NBPF10: variants seen among roughly 807,000 people sequenced by gnomAD.
The protein encoded by NBPF10 is NBPF member 10.
A neutral mutation model predicts 77.9 loss-of-function variants in NBPF10; 63 were observed. The ratio of observed to expected loss-of-function variants is 0.81; its 90% CI spans 0.66 to 1.00. NBPF10 has a LOEUF of 1.00. Ranked by LOEUF, NBPF10 falls within the 50% of genes least tolerant of loss-of-function variation. NBPF10 has a pLI of 0.00. For missense variants in NBPF10, 522 were observed against 679.8 expected (o/e 0.77, Z 2.58); for synonymous variants, 146 against 264.5 (o/e 0.55, Z 4.35).
chr1:146,067,157 G>A, intron 89 of NBPF10, 23 bp downstream of exon 89: 1 of 528,540 alleles, frequency 1.9e-6, no homozygotes, highest in Admixed American at 2.5e-5. Context: ...CAGAACTAAG[G>A]ATCCACAATT....
rs61816394 is a variant in NBPF10 at position 146,126,409 on chromosome 1, G to C, written c.1854-1C>G. ...CTCATCCAGCAGCTCCCTGCTGAGC[G>C]TGGAAAAGTAGGAAAAAGTAAAGAA... On this transcript the variant is annotated splice_acceptor_variant, in intron 13 of 89. Transcript: ENST00000583866. LOFTEE classifies it high-confidence loss of function. 348,274 of 1,055,988 alleles carry C rather than the reference G, an allele frequency of 0.33. 79,565 individuals carry two copies. Among genetic ancestry groups the C allele is most frequent in the African/African-American group, 0.65 (38,153 of 58,950 alleles). The allele number at this position is 1,055,988 out of a possible 1,614,324, so 65.4% of individuals were successfully genotyped here.
chr1:146,126,041 G>A (rs1371253730), intron 14 of NBPF10, among the ~76,000 whole-genome samples, 195 bp downstream of exon 14: 14 of 151,754 alleles, frequency 9.2e-5, no homozygotes, highest in Non-Finnish European at 5.9e-5. Context: ...AGACTAGGAA[G>A]AGAGCCTTGC....
intron 11 of NBPF10, among the ~76,000 whole-genome samples, chr1:146,128,901 C>A (rs1339153841): frequency 2.0e-5 from 3 of 149,410 alleles, no homozygotes; most frequent in Non-Finnish European, 4.4e-5. Flanking sequence ...AGCTGAGGGA[C>A]CTGACTGTTA....
Position 146,142,652 on chromosome 1 carries a change from G to A in NBPF10, c.276C>T (p.Leu92=). 3 of 1,338,230 alleles carry A rather than the reference G, an allele frequency of 2.2e-6. 1 individual carries two copies. Among genetic ancestry groups the A allele is most frequent in the Non-Finnish European group, 2.1e-6 (2 of 971,162 alleles). 82.9% of individuals were successfully genotyped at this position (1,338,230 alleles called of 1,614,324 possible). The stretch of plus-strand genomic sequence containing the variant: ...CTCCCCCTATGGGGTCCCCTCACCT[G>A]AGCTCCTCAGCTTGCTTCAGCTGCT... The change falls in exon 2 of 90, where the codon CTC becomes CTT. Residue 92 remains leucine (L), a splice_region_variant and synonymous_variant. Coordinates refer to ENST00000583866, the Ensembl canonical transcript of NBPF10.
chr1:146,142,408 T>C (rs1660398364), intron 2 of NBPF10, among the ~76,000 whole-genome samples: 1 of 134,720 alleles, frequency 7.4e-6, no homozygotes, highest in Non-Finnish European at 1.7e-5. Flanking sequence ...TTTTGTGTTA[T>C]GTAAATTTCA....
chr1:146,139,265 A>ATTTT (rs10533520), intron 5 of NBPF10, among the ~76,000 whole-genome samples: 20 of 139,942 alleles, frequency 1.4e-4, no homozygotes, highest in African/African-American at 5.2e-4. Flanking sequence ...ACGCCCAGCT[A>ATTTT]TTTTTTTTTT....
intron 14 of NBPF10, 116 bp downstream of exon 14, chr1:146,126,120 A>G (rs587638968): frequency 5.7e-5 from 42 of 739,700 alleles, no homozygotes; most frequent in Non-Finnish European, 8.9e-5. Context: ...ATGTGCCTAT[A>G]GGTCCTCCCT....
rs782539120 is a variant in NBPF10, at chr1:146,126,328, C to T, written c.1934G>A (p.Gly645Asp). Residue 645 changes from glycine to aspartate, a missense_variant, in exon 14 of 90, where the codon GGT (glycine) becomes GAT (aspartate). Physicochemically the swap from Gly to Asp is moderately conservative, Grantham distance 94 (BLOSUM62 -1). Around this residue, in one of 9 missense-constraint regions of NBPF10, gnomAD observed 178 missense variants for 77.7 expected, o/e 2.29. Transcript: ENST00000583866. ...GCATGAGTCAGTCAGTTCAAGACAA[C>T]CTGAAGGAGTTGAATAACATCTATC... 33 of 1,294,598 alleles carry T rather than the reference C, an allele frequency of 2.5e-5. 1 individual carries two copies. The highest frequency in any genetic ancestry group is 3.2e-5 in the Non-Finnish European group (29 of 892,710). The allele number at this position is 1,294,598 out of a possible 1,614,324, so 80.2% of individuals were successfully genotyped here.
intron 4 of NBPF10, 151 bp from the exon 5 acceptor site, chr1:146,140,171 CTT>C: frequency 3.2e-6 from 2 of 625,508 alleles, no homozygotes; most frequent in Non-Finnish European, 2.9e-6. Flanking sequence ...AGGCAATCCT[CTT>C]CTCTCTGCAA....
intron 89 of NBPF10, among the ~76,000 whole-genome samples, chr1:146,066,767 G>C (rs1280505039): frequency 6.6e-6 from 1 of 151,074 alleles, no homozygotes; most frequent in Admixed American, 6.6e-5. Context: ...CAGAGAGAGA[G>C]AGACAGAGAC....
At chr1:146,081,030 C>CAG (rs1174335533) in intron 71 of NBPF10, among the ~76,000 whole-genome samples, 912 of 35,264 alleles carry the variant, frequency 0.026, 12 homozygotes, top group African/African-American at 0.047. Flanking sequence ...CACACACACA[C>CAG]AGAGAGAGAG....
chr1:146,121,977 C>G (rs1242260888), intron 19 of NBPF10, among the ~76,000 whole-genome samples: 1 of 125,718 alleles, frequency 8.0e-6, no homozygotes. Context: ...CCTCATGACA[C>G]ACAGCAAACT....
chr1:146,123,519 C>CAT (rs1658329002), intron 17 of NBPF10, among the ~76,000 whole-genome samples: 3 of 93,618 alleles, frequency 3.2e-5, no homozygotes, highest in Non-Finnish European at 4.1e-5. Context: ...CACACACACA[C>CAT]ACACACAGAG....
chr1:146,126,176 A>G lies in NBPF10; in HGVS notation c.2026+60T>C. 4.4e-6 allele frequency: 4 copies of G among 911,876 alleles called. No homozygotes were observed. The Admixed American group carries it at 7.0e-5, about 16-fold the overall frequency. 56.5% of individuals were successfully genotyped at this position (911,876 alleles called of 1,614,324 possible). A position where few individuals can be genotyped will look rare whatever the true frequency, so the allele number is the denominator to read the frequency against. ...CTCAGTAACGGCCACTTGCAGTAGG[A>G]ATATGACCCTAACCAGAAGACTCAG... On this transcript the variant is annotated intron_variant, in intron 14 of 89. Transcript: ENST00000583866.
rs1482940646 is a variant in NBPF10, at chr1:146,126,110, A to T, written c.2026+126T>A. ...GGAACTAGAGTTTCATTCAACCTAC[A>T]TGTGCCTATAGGTCCTCCCTGTGGC... On this transcript the variant is annotated intron_variant, in intron 14 of 89. Transcript: ENST00000583866. 6.5e-5 allele frequency: 46 copies of T among 707,544 alleles called. 1 individual carries two copies. Among genetic ancestry groups the T allele is most frequent in the African/African-American group, 5.8e-4 (33 of 56,930 alleles). 43.8% of individuals were successfully genotyped at this position (707,544 alleles called of 1,614,324 possible).
Position 146,129,845 on chromosome 1 carries a change from CT to C in NBPF10, c.1638-1564del, listed in dbSNP as rs1333718846. ...GAGAGTGGGAGCAATATTCAACATT[CT>C]TTTTTTTTTCCATATGTATAGTTTT... On this transcript the variant is annotated intron_variant, in intron 11 of 89. Transcript: ENST00000583866. 1.8e-3 allele frequency among the ~76,000 whole-genome samples: 123 copies of C among 70,218 alleles called. 20 individuals are homozygous for C. Among genetic ancestry groups the C allele is most frequent in the Non-Finnish European group, 2.5e-3 (91 of 35,698 alleles). 46.1% of individuals were successfully genotyped at this position (70,218 alleles called of 152,430 possible).
At chr1:146,125,987 C>A (rs77534456) in intron 14 of NBPF10, among the ~76,000 whole-genome samples, 1 of 151,636 alleles carries the variant, frequency 6.6e-6, no homozygotes, top group Admixed American at 6.5e-5. Context: ...CTGCCCAGAT[C>A]CAACATCTTG....
rs1257395405 is a variant in NBPF10 at position 146,069,219 on chromosome 1, G to A, written c.10810+324C>T. The stretch of plus-strand genomic sequence containing the variant: ...GGATTGTAGACGCTGAAATTAGAGT[G>A]AAGGATGAAATCTACAAGATCTACA... On this transcript the variant is annotated intron_variant, in intron 86 of 89. Transcript: ENST00000583866. Among the ~76,000 whole-genome samples the A allele has an allele frequency of 9.3e-4, 80 of 86,018 alleles. 17 individuals are homozygous for A. Among genetic ancestry groups the A allele is most frequent in the Middle Eastern group, 4.3e-3 (1 of 232 alleles). 56.4% of individuals were successfully genotyped at this position (86,018 alleles called of 152,430 possible).
rs1657792177 is a variant in NBPF10, at chr1:146,114,856, A to T, written c.3716-336T>A. Among the ~76,000 whole-genome samples, 2 of 31,512 alleles carry T rather than the reference A, an allele frequency of 6.3e-5. 1 individual carries two copies. Among genetic ancestry groups the T allele is most frequent in the Non-Finnish European group, 1.4e-4 (2 of 13,928 alleles). 20.7% of individuals were successfully genotyped at this position (31,512 alleles called of 152,430 possible). ...AAACTGCAGTATTCAGCCCTGTCTC[A>T]TCAAATGCCCAGCTCGTTCATGGAT... On this transcript the variant is annotated intron_variant, in intron 28 of 89. Coordinates refer to ENST00000583866, the Ensembl canonical transcript of NBPF10.
Sources: allele counts gnomAD v4.1 joint callset (sites outside exome capture counted in the v4.1 genomes callset), GRCh38; gene constraint gnomAD v4.1.1; regional missense constraint gnomAD v4.1.1; transcripts MANE v1.5; gene names NCBI Gene and HGNC (gene_info 2026-07-23, HGNC 2026-07-21).